NAPB: variants seen among roughly 807,000 people sequenced by gnomAD.
NAPB encodes NSF attachment protein beta.
A neutral mutation model predicts 44.7 loss-of-function variants in NAPB; 26 were observed. The observed-to-expected ratio is 0.58, with a 90% CI of 0.43 to 0.81. NAPB has a LOEUF of 0.81. Ranked by LOEUF, NAPB falls within the 30% of genes least tolerant of loss-of-function variation. The pLI is 0.00. For synonymous variants in NAPB, 120 were observed against 116.8 expected, an observed-to-expected ratio of 1.03 and a Z score of -0.18; for missense variants, 315 against 356.4, an observed-to-expected ratio of 0.88 and a Z score of 0.94.
chr20:23,397,026 G>A, intron 3 of NAPB, 46 bp downstream of exon 3: 2 of 1,579,410 alleles, frequency 1.3e-6, no homozygotes, highest in Middle Eastern at 1.7e-4. Flanking sequence ...GTACTGACTG[G>A]TTAGTTACAC....
At chr20:23,403,940 C>T (rs1044102464) in intron 1 of NAPB, among the ~76,000 whole-genome samples, 8 of 152,064 alleles carry the variant, frequency 5.3e-5, no homozygotes, top group African/African-American at 1.2e-4. Context: ...CCTCAGGGTC[C>T]GGCCCAGTTT....
At chr20:23,397,227 C>A (rs756754767) in intron 2 of NAPB, 39 bp from the exon 3 acceptor site, 5 of 1,583,418 alleles carry the variant, frequency 3.2e-6, no homozygotes, top group Admixed American at 3.4e-5. Flanking sequence ...AGGAACAAGT[C>A]CCCCCCAGAG....
At chr20:23,419,129 G>T (rs1043678876) in intron 1 of NAPB, among the ~76,000 whole-genome samples, 1 of 152,076 alleles carries the variant, frequency 6.6e-6, no homozygotes, top group African/African-American at 2.4e-5. Context: ...TAACCTCACT[G>T]AACTCCCATA....
At chr20:23,403,279 G>A (rs747533759) in intron 1 of NAPB, among the ~76,000 whole-genome samples, 5 of 152,138 alleles carry the variant, frequency 3.3e-5, no homozygotes, top group Non-Finnish European at 5.9e-5. Context: ...CTAGCCCGAG[G>A]TGACACAGAA....
At position 23,392,347 on chromosome 20, in the gene NAPB, C is replaced by T. The variant is rs59893880; in HGVS notation, c.421-2083G>A. On this transcript the variant is annotated intron_variant, in intron 5 of 10. Coordinates refer to ENST00000377026, the MANE Select transcript of NAPB (RefSeq NM_022080.3). ...AAAAGAGAACCATAGTACACCTGTT[C>T]TTTTATAGCTGCATTTTAAAATTCA... Among the ~76,000 whole-genome samples, 5 of 152,254 alleles carry T rather than the reference C, an allele frequency of 3.3e-5. No individual in the cohort carries two copies. In the East Asian group the frequency reaches 7.8e-4, roughly 24 times the overall value.
chr20:23,382,361 T>G (rs1983082169), intron 7 of NAPB, among the ~76,000 whole-genome samples: 2 of 152,086 alleles, frequency 1.3e-5, no homozygotes, highest in Admixed American at 1.3e-4. Flanking sequence ...CAAGACCCAG[T>G]CTCATAACCT....
At chr20:23,419,233 T>C (rs1003976173) in intron 1 of NAPB, among the ~76,000 whole-genome samples, 4 of 152,190 alleles carry the variant, frequency 2.6e-5, no homozygotes, top group Non-Finnish European at 4.4e-5. Flanking sequence ...CAAAGCTAGA[T>C]AATAAACCAA....
chr20:23,398,651 G>A (rs916321006), intron 2 of NAPB, among the ~76,000 whole-genome samples: 1 of 151,954 alleles, frequency 6.6e-6, no homozygotes, highest in African/African-American at 2.4e-5. Context: ...GACCAGCCTG[G>A]CCTGAACATA....
chr20:23,385,312 A>T (rs1294456827), intron 7 of NAPB, among the ~76,000 whole-genome samples: 1 of 152,196 alleles, frequency 6.6e-6, no homozygotes, highest in Non-Finnish European at 1.5e-5. Context: ...GAAGGACATT[A>T]TGTAATGATA....
At chr20:23,400,517 G>A (rs536906856) in intron 2 of NAPB, among the ~76,000 whole-genome samples, 5 of 152,022 alleles carry the variant, frequency 3.3e-5, no homozygotes, top group Non-Finnish European at 5.9e-5. Flanking sequence ...CTCCATTCTC[G>A]GAGGTGGAGG....
chr20:23,405,031 GGA>G (rs1985134470), intron 1 of NAPB, among the ~76,000 whole-genome samples: 1 of 152,196 alleles, frequency 6.6e-6, no homozygotes, highest in African/African-American at 2.4e-5. Context: ...GGCGGGGCGA[GGA>G]GGCTCACGCC....
chr20:23,404,646 G>T (rs1985104126), intron 1 of NAPB, among the ~76,000 whole-genome samples: 1 of 152,214 alleles, frequency 6.6e-6, no homozygotes. Flanking sequence ...AGCTGCCACT[G>T]CAGAGCTTCA....
intron 5 of NAPB, among the ~76,000 whole-genome samples, chr20:23,390,867 C>T (rs1195359619): frequency 6.6e-6 from 1 of 152,174 alleles, no homozygotes. Context: ...CACACTAATA[C>T]CTTAAGTGTC....
chr20:23,412,689 C>T (rs1046693941), intron 1 of NAPB, among the ~76,000 whole-genome samples: 1 of 152,132 alleles, frequency 6.6e-6, no homozygotes, highest in South Asian at 2.1e-4. Context: ...GGATCTCTAT[C>T]AAAATTTGAT....
chr20:23,378,437 TATTA>T (rs529324151), intron 10 of NAPB, among the ~76,000 whole-genome samples: 1 of 149,468 alleles, frequency 6.7e-6, no homozygotes, highest in Admixed American at 6.7e-5. Context: ...TATATATATT[TATTA>T]TTTATTTATT....
intron 5 of NAPB, among the ~76,000 whole-genome samples, chr20:23,392,921 G>A (rs1282444388): frequency 1.3e-5 from 2 of 152,154 alleles, no homozygotes; most frequent in Non-Finnish European, 2.9e-5. Context: ...CTGGGCAGCA[G>A]AAATGACACA....
At chr20:23,404,341 G>A (rs1985082380) in intron 1 of NAPB, among the ~76,000 whole-genome samples, 1 of 152,128 alleles carries the variant, frequency 6.6e-6, no homozygotes, top group South Asian at 2.1e-4. Context: ...CTGGATGCTG[G>A]GCCTGGTATG....
At chr20:23,392,980 G>A (rs1429802856) in intron 5 of NAPB, among the ~76,000 whole-genome samples, 1 of 152,214 alleles carries the variant, frequency 6.6e-6, no homozygotes, top group Admixed American at 6.5e-5. Flanking sequence ...CTGTGAAAGA[G>A]GAAGCTGGAA....
At chr20:23,378,909 C>T (rs6036396) in intron 10 of NAPB, 13,022 of 125,988 alleles carry the variant, frequency 0.1, 3,224 homozygotes, top group African/African-American at 0.29. Context: ...ACCTCTGCCT[C>T]CCGGGTTCAA....
Sources: gnomAD v4.1 joint callset for allele counts (sites outside exome capture counted in the v4.1 genomes callset) on GRCh38, gnomAD v4.1.1 for gene constraint, MANE v1.5 for transcripts, NCBI Gene and HGNC (gene_info 2026-07-23, HGNC 2026-07-21) for gene names.